NEK10: variants seen among roughly 807,000 people sequenced by gnomAD.
NEK10 encodes the protein NIMA related kinase 10, also known as serine/threonine-protein kinase Nek10.
In NEK10, 122 loss-of-function variants were observed where a neutral mutation model predicts 159.8. The ratio of observed to expected loss-of-function variants is 0.76; its 90% CI spans 0.66 to 0.89. The LOEUF (loss-of-function observed/expected upper bound fraction) is 0.89, where lower values mean the gene tolerates loss of function less well. Ranked by LOEUF, NEK10 falls within the 40% of genes least tolerant of loss-of-function variation. NEK10 has a pLI of 0.00. For missense variants in NEK10, 1,342 were observed against 1,323.1 expected (o/e 1.01, Z -0.22); for synonymous variants, 466 against 457.1 (o/e 1.02, Z -0.25).
At chr3:27,165,730 T>A (rs932360693) in intron 29 of NEK10, among the ~76,000 whole-genome samples, 1 of 152,138 alleles carries the variant, frequency 6.6e-6, no homozygotes, top group Admixed American at 6.6e-5. Context: ...TGAAAATGAG[T>A]GTTAGCCTAC....
At chr3:27,122,585 C>G (rs898455234) in intron 32 of NEK10, among the ~76,000 whole-genome samples, 1 of 152,106 alleles carries the variant, frequency 6.6e-6, no homozygotes, top group Non-Finnish European at 1.5e-5. Context: ...TTTTTAATGT[C>G]TTGTGATGCT....
In NEK10 at chr3:27,119,017, A is replaced by G. The variant is rs532066752; in HGVS notation, c.3190+743T>C. On this transcript the variant is annotated intron_variant, in intron 33 of 35. Transcript: ENST00000691995. Reference sequence around the variant, plus strand: ...ACATAGCTACCGTTTATAAAGATTCAAAAATTATTTAGGAGTACTGAAACC... The same window carrying G: ...ACATAGCTACCGTTTATAAAGATTCGAAAATTATTTAGGAGTACTGAAACC... 2.2e-4 allele frequency among the ~76,000 whole-genome samples: 34 copies of G among 152,292 alleles called. No individual in the cohort carries two copies. In the South Asian group the frequency reaches 4.4e-3, roughly 19 times the overall value.
intron 23 of NEK10, among the ~76,000 whole-genome samples, chr3:27,213,454 G>A (rs1951196249): frequency 6.6e-6 from 1 of 152,074 alleles, no homozygotes; most frequent in South Asian, 2.1e-4. Flanking sequence ...TTCTACTAAC[G>A]TGACCAAAAA....
At chr3:27,281,217 T>C (rs567278421) in intron 22 of NEK10, among the ~76,000 whole-genome samples, 20 of 152,120 alleles carry the variant, frequency 1.3e-4, no homozygotes, top group Non-Finnish European at 2.9e-4. Context: ...TTTGTACATA[T>C]GGTATCTAAG....
At chr3:27,331,262 A>AAAAAAACAAAACAAAAAAAAAACACAC in intron 5 of NEK10, among the ~76,000 whole-genome samples, 1 of 110,082 alleles carries the variant, frequency 9.1e-6, no homozygotes, top group African/African-American at 2.9e-5. Flanking sequence ...AAAAAAAAAA[A>AAAAAAACAAAACAAAAAAAAAACACAC]ACACACAAAC....
At chr3:27,264,576 T>C (rs576401908) in intron 22 of NEK10, among the ~76,000 whole-genome samples, 29 of 152,232 alleles carry the variant, frequency 1.9e-4, no homozygotes, top group Non-Finnish European at 3.5e-4. Context: ...ATATAGCCCC[T>C]GAATCCAAAA....
At chr3:27,232,551 T>C (rs1953413445) in intron 23 of NEK10, among the ~76,000 whole-genome samples, 1 of 140,484 alleles carries the variant, frequency 7.1e-6, no homozygotes, top group Non-Finnish European at 1.6e-5. Context: ...TTCACAGAAT[T>C]AGAAAAAAAA....
chr3:27,117,734 G>A lies in NEK10; in HGVS notation c.3191-1607C>T, dbSNP rs543376416. Among the ~76,000 whole-genome samples the A allele has an allele frequency of 8.5e-5, 13 of 152,048 alleles. No homozygotes were observed. The South Asian group carries it at 1.9e-3, about 22-fold the overall frequency. ...AGATTCTGGATATTACACCTTTGTCGGATAGATAGATTGCAAAAATTTTCT... is the reference window on the plus strand; with the variant it reads ...AGATTCTGGATATTACACCTTTGTCAGATAGATAGATTGCAAAAATTTTCT... On this transcript the variant is annotated intron_variant, in intron 33 of 35. Transcript: ENST00000691995.
chr3:27,305,507 CAG>C (rs1575666875), intron 11 of NEK10, among the ~76,000 whole-genome samples: 1 of 151,796 alleles, frequency 6.6e-6, no homozygotes, highest in East Asian at 2.0e-4. Flanking sequence ...GCCTGGGTGA[CAG>C]AGCGAGACTC....
intron 23 of NEK10, among the ~76,000 whole-genome samples, chr3:27,242,108 C>T (rs1486796006): frequency 1.3e-5 from 2 of 152,172 alleles, no homozygotes; most frequent in African/African-American, 4.8e-5. Context: ...AATTGTTCCA[C>T]CATGTAAGGC....
rs187800687 is a variant in NEK10, at chr3:27,360,508, C to T, written c.-37-7589G>A. On this transcript the variant is annotated intron_variant, in intron 1 of 35. Coordinates refer to ENST00000691995, the MANE Select transcript of NEK10 (RefSeq NM_001394966.1). ...CCAGAGAGGAAAAATGTGTCAAAGG[C>T]CACACTGCATCTTTAGGAGTGAAGG... Among the ~76,000 whole-genome samples, 23 of 152,286 alleles carry T rather than the reference C, an allele frequency of 1.5e-4. 1 individual carries two copies. Among genetic ancestry groups the T allele is most frequent in the Middle Eastern group, 3.4e-3 (1 of 294 alleles).
intron 30 of NEK10, chr3:27,162,386 G>C: frequency 6.4e-7 from 1 of 1,567,896 alleles, no homozygotes. Context: ...GCATCGTTCA[G>C]ACATCTCAGG....
chr3:27,312,145 G>A lies in NEK10; in HGVS notation c.522C>T (p.Gly174=). Residue 174 remains glycine (G), a synonymous_variant, in exon 8 of 36, where the codon GGC becomes GGT. Transcript: ENST00000691995. ...YMEIVANEYL[G]YGEEQHTVDK... ...CCACAGTGTGCTGCTCTTCTCCATA[G>A]CCGAGGTACTCATTGGCTACAATCT... 1 of 1,612,074 alleles carries A rather than the reference G, an allele frequency of 6.2e-7. No individual in the cohort carries two copies. The highest frequency in any genetic ancestry group is 8.5e-7 in the Non-Finnish European group (1 of 1,178,996).
intron 23 of NEK10, among the ~76,000 whole-genome samples, chr3:27,236,581 G>A (rs1953938964): frequency 6.6e-6 from 1 of 152,078 alleles, no homozygotes; most frequent in African/African-American, 2.4e-5. Context: ...TTTACAGCTG[G>A]GCCTCCAGGG....
chr3:27,305,604 T>C (rs1457560205), intron 11 of NEK10, among the ~76,000 whole-genome samples: 2 of 121,002 alleles, frequency 1.7e-5, no homozygotes, highest in Non-Finnish European at 3.2e-5. Flanking sequence ...ATCTGCATTG[T>C]GCTAAAGACT....
intron 26 of NEK10, among the ~76,000 whole-genome samples, chr3:27,178,664 T>C (rs1455825041): frequency 6.6e-6 from 1 of 152,222 alleles, no homozygotes; most frequent in Non-Finnish European, 1.5e-5. Flanking sequence ...GACTGCATAC[T>C]ATTGTAAATA....
chr3:27,276,433 C>T (rs570120253), intron 22 of NEK10, among the ~76,000 whole-genome samples: 1 of 152,088 alleles, frequency 6.6e-6, no homozygotes, highest in East Asian at 1.9e-4. Flanking sequence ...TGTTAGAAGT[C>T]CCAGAGGCAT....
chr3:27,248,636 T>A (rs1955339511), intron 23 of NEK10, among the ~76,000 whole-genome samples: 1 of 152,232 alleles, frequency 6.6e-6, no homozygotes, highest in Admixed American at 6.5e-5. Flanking sequence ...GAGCATACTG[T>A]TTAATTTCCA....
At chr3:27,165,705 G>A (rs1472062544) in intron 29 of NEK10, among the ~76,000 whole-genome samples, 4 of 152,202 alleles carry the variant, frequency 2.6e-5, no homozygotes, top group African/African-American at 9.6e-5. Flanking sequence ...TAAGGCAAAA[G>A]AGAAACTGAA....
Sources: allele counts gnomAD v4.1 joint callset (sites outside exome capture counted in the v4.1 genomes callset), GRCh38; gene constraint gnomAD v4.1.1; transcripts MANE v1.5; gene names NCBI Gene and HGNC (gene_info 2026-07-23, HGNC 2026-07-21).